FTCDNL1: variants seen among roughly 807,000 people sequenced by gnomAD.
The protein encoded by FTCDNL1 is formiminotransferase N-terminal subdomain-containing protein.
In FTCDNL1, 11 loss-of-function variants were observed where a neutral mutation model predicts 5.9. The observed-to-expected ratio is 1.87, with a 90% CI of 1.18 to 3.10. The LOEUF (loss-of-function observed/expected upper bound fraction) is 3.10. Among genes scored for constraint, FTCDNL1 ranks in the 30% most tolerant of loss-of-function variants. FTCDNL1 has a pLI of 0.00. For missense variants in FTCDNL1, 115 were observed against 65.5 expected, an observed-to-expected ratio of 1.76 and a Z score of -2.61; for synonymous variants, 58 against 24.8, an observed-to-expected ratio of 2.34 and a Z score of -3.99.
chr2:199,807,702 C>A (rs1352549962), downstream of FTCDNL1, among the ~76,000 whole-genome samples: 1 of 152,122 alleles, frequency 6.6e-6, no homozygotes, highest in Admixed American at 6.5e-5. Context: ...ATAGCTGGAT[C>A]AAAGGCCACA....
the FTCDNL1 span, among the ~76,000 whole-genome samples, chr2:199,755,463 G>A: frequency 5.9e-5 from 9 of 152,160 alleles, no homozygotes; most frequent in Non-Finnish European, 1.2e-4. Flanking sequence ...ATCTAGCCTT[G>A]AACTCTAGGT....
intron 3 of FTCDNL1, among the ~76,000 whole-genome samples, chr2:199,838,022 C>T (rs939806314): frequency 1.3e-5 from 2 of 152,182 alleles, no homozygotes; most frequent in African/African-American, 2.4e-5. Context: ...GAATCTTCTG[C>T]GCTGACCCCT....
At chr2:199,677,384 A>G in the FTCDNL1 span, among the ~76,000 whole-genome samples, 1 of 152,196 alleles carries the variant, frequency 6.6e-6, no homozygotes, top group Non-Finnish European at 1.5e-5. Context: ...TTCTGAGACC[A>G]TAATAACAAC....
chr2:199,764,501 C>A (rs1466714318), intron 3 of FTCDNL1, among the ~76,000 whole-genome samples: 3 of 152,138 alleles, frequency 2.0e-5, no homozygotes, highest in Non-Finnish European at 4.4e-5. Context: ...ATTCAGCTCC[C>A]CCAAAGCCTT....
At position 199,848,909 on chromosome 2, in the gene FTCDNL1, T is replaced by C. The variant is rs1195030402; in HGVS notation, c.54A>G (p.Ser18=). Residue 18 remains serine (S), a synonymous_variant, in exon 2 of 5, where the codon TCA becomes TCG. Coordinates refer to ENST00000420128, the MANE Select transcript of FTCDNL1 (RefSeq NM_001363886.2). ...LRLAACLLNV[S]EAGRKYIVEN... Reference sequence around the variant, plus strand: ...CAACAATGTATTTTCTTCCGGCTTCTGAAACGTTTAGTAAACAGGCAGCCA... The same window carrying C: ...CAACAATGTATTTTCTTCCGGCTTCCGAAACGTTTAGTAAACAGGCAGCCA... 5.7e-6 allele frequency: 4 copies of C among 702,354 alleles called. No homozygotes were observed. Among genetic ancestry groups the C allele is most frequent in the Non-Finnish European group, 2.6e-6 (1 of 384,798 alleles). The allele number at this position is 702,354 out of a possible 1,614,324, so 43.5% of individuals were successfully genotyped here.
intron 3 of FTCDNL1, among the ~76,000 whole-genome samples, chr2:199,768,574 GTT>G (rs35383132): frequency 6.0e-5 from 9 of 149,796 alleles, no homozygotes; most frequent in East Asian, 5.9e-4. Context: ...GTTGAGATTA[GTT>G]TTTTTTTTTA....
chr2:199,683,299 A>G, the FTCDNL1 span, among the ~76,000 whole-genome samples: 1 of 152,136 alleles, frequency 6.6e-6, no homozygotes, highest in South Asian at 2.1e-4. Flanking sequence ...CAAAATAAAG[A>G]GCAGAGAGGA....
chr2:199,848,784 G>C, intron 2 of FTCDNL1, 64 bp downstream of exon 2: 1 of 691,262 alleles, frequency 1.4e-6, no homozygotes. Flanking sequence ...AGTGTGCACA[G>C]TACAAAAATT....
intron 3 of FTCDNL1, among the ~76,000 whole-genome samples, chr2:199,822,046 G>A (rs1701726396): frequency 1.3e-5 from 2 of 152,086 alleles, no homozygotes; most frequent in South Asian, 2.1e-4. Flanking sequence ...ATATTATACT[G>A]TAATCTCTTA....
chr2:199,798,922 C>G (rs931312631), intron 3 of FTCDNL1, among the ~76,000 whole-genome samples: 1 of 152,212 alleles, frequency 6.6e-6, no homozygotes, highest in East Asian at 1.9e-4. Context: ...ATGACATCCT[C>G]ATCAGTAGCA....
chr2:199,729,458 G>A, the FTCDNL1 span, among the ~76,000 whole-genome samples: 1 of 152,124 alleles, frequency 6.6e-6, no homozygotes, highest in African/African-American at 2.4e-5. Context: ...AAACCCCAAC[G>A]TCTCAGCCCA....
chr2:199,819,841 T>C (rs1008930010), intron 3 of FTCDNL1, 84 bp from the exon 4 acceptor site: 2 of 641,916 alleles, frequency 3.1e-6, no homozygotes, highest in African/African-American at 3.6e-5. Context: ...TTTGCTGTGG[T>C]AAAACATATT....
intron 3 of FTCDNL1, among the ~76,000 whole-genome samples, chr2:199,782,439 T>C (rs978542563): frequency 6.6e-5 from 10 of 152,242 alleles, no homozygotes; most frequent in Non-Finnish European, 1.5e-5. Context: ...CTATGTTCTT[T>C]TGTGACCCTT....
At chr2:199,677,055 T>C in the FTCDNL1 span, among the ~76,000 whole-genome samples, 2 of 152,220 alleles carry the variant, frequency 1.3e-5, no homozygotes, top group African/African-American at 4.8e-5. Context: ...CTGCTCATTG[T>C]GGTCATGAGT....
chr2:199,738,958 C>T, the FTCDNL1 span, among the ~76,000 whole-genome samples: 2 of 152,112 alleles, frequency 1.3e-5, no homozygotes, highest in Non-Finnish European at 2.9e-5. Flanking sequence ...AGTTAAATTT[C>T]GTAATAGCAC....
At chr2:199,768,101 T>C (rs1285854662) in intron 3 of FTCDNL1, among the ~76,000 whole-genome samples, 3 of 152,234 alleles carry the variant, frequency 2.0e-5, no homozygotes, top group African/African-American at 4.8e-5. Context: ...TGCCTCATTA[T>C]ACATATTCTC....
chr2:199,726,658 C>T, the FTCDNL1 span, among the ~76,000 whole-genome samples: 1 of 152,162 alleles, frequency 6.6e-6, no homozygotes, highest in African/African-American at 2.4e-5. Context: ...TCAGGCTCCT[C>T]TTCCATAGGG....
At chr2:199,787,294 T>C (rs1699705085) in intron 3 of FTCDNL1, among the ~76,000 whole-genome samples, 1 of 152,126 alleles carries the variant, frequency 6.6e-6, no homozygotes, top group Non-Finnish European at 1.5e-5. Context: ...GCGATTCTCC[T>C]GACTCAGCTT....
At chr2:199,722,443 G>A in the FTCDNL1 span, among the ~76,000 whole-genome samples, 1 of 152,082 alleles carries the variant, frequency 6.6e-6, no homozygotes, top group Non-Finnish European at 1.5e-5. Context: ...TTGTAGATGT[G>A]CGGTCTAATC....
Sources: gnomAD v4.1 joint callset for allele counts (sites outside exome capture counted in the v4.1 genomes callset) on GRCh38, gnomAD v4.1.1 for gene constraint, MANE v1.5 for transcripts, NCBI Gene and HGNC (gene_info 2026-07-23, HGNC 2026-07-21) for gene names.